The following VPS16 variants were observed in gnomAD, a reference collection of about 807,000 sequenced individuals.
The protein encoded by VPS16 is vacuolar protein sorting-associated protein 16 homolog.
A neutral mutation model predicts 116.0 loss-of-function variants in VPS16; 82 were observed. The ratio of observed to expected loss-of-function variants is 0.71; its 90% CI spans 0.59 to 0.85. The LOEUF is 0.85. VPS16 is among the 40% of genes least tolerant of loss of function. The pLI is 0.00. For synonymous variants in VPS16, 406 were observed against 420.7 expected (o/e 0.96, Z 0.43); for missense variants, 928 against 1,090.6 (o/e 0.85, Z 2.10).
At chr20:2,856,267 C>T (rs1029987895) in intron 1 of VPS16, among the ~76,000 whole-genome samples, 15 of 152,078 alleles carry the variant, frequency 9.9e-5, no homozygotes, top group African/African-American at 3.4e-4. Flanking sequence ...AACATTTATC[C>T]GTTAAGCTCA....
chr20:2,859,665 T>A, intron 1 of VPS16, 54 bp from the exon 2 acceptor site: 2 of 1,584,882 alleles, frequency 1.3e-6, no homozygotes, highest in Non-Finnish European at 8.7e-7. Flanking sequence ...TGGGGTTCAC[T>A]CCATACGGAT....
In VPS16 at chr20:2,842,836, G is replaced by C. The variant is rs998918036; in HGVS notation, c.53+2009G>C. Reference sequence around the variant, plus strand: ...TCTATCTATAGATAGACATATAGATGTATCTATCGATAGATAGATGTATCT... The same window carrying C: ...TCTATCTATAGATAGACATATAGATCTATCTATCGATAGATAGATGTATCT... On this transcript the variant is annotated intron_variant, in intron 1 of 23. Coordinates refer to ENST00000380445, the MANE Select transcript of VPS16 (RefSeq NM_022575.4). Among the ~76,000 whole-genome samples the C allele has an allele frequency of 9.1e-4, 122 of 133,620 alleles. 2 individuals are homozygous for C. Among genetic ancestry groups the C allele is most frequent in the African/African-American group, 1.4e-3 (45 of 32,472 alleles). 87.7% of individuals were successfully genotyped at this position (133,620 alleles called of 152,430 possible).
rs1303337836 is a variant in VPS16 at position 2,864,344 on chromosome 20, C to G, written c.1721-21C>G. On this transcript the variant is annotated intron_variant, in intron 17 of 23. Coordinates refer to ENST00000380445, the MANE Select transcript of VPS16 (RefSeq NM_022575.4). The surrounding 1 kb of genome is among the most constrained non-coding windows in gnomAD (Gnocchi z 5.2). ...AGTGGGAGCCTGGCTGGAATTCCCA[C>G]TCCACCTTACTCTCCTGCAGTGTTC... 58 of 1,614,016 alleles carry G rather than the reference C, an allele frequency of 3.6e-5. No homozygotes were observed. The highest frequency in any genetic ancestry group is 4.7e-5 in the Non-Finnish European group (55 of 1,180,012).
chr20:2,845,313 T>G (rs2089047321), intron 1 of VPS16, among the ~76,000 whole-genome samples: 1 of 151,958 alleles, frequency 6.6e-6, no homozygotes. Context: ...AATAAAATCA[T>G]GAGAAAGGAA....
rs544284504 is a variant in VPS16 at position 2,844,880 on chromosome 20, G to A, written c.53+4053G>A. On this transcript the variant is annotated intron_variant, in intron 1 of 23. Coordinates refer to ENST00000380445, the MANE Select transcript of VPS16 (RefSeq NM_022575.4). ...TAGGCAACAAGAACAGGACATGGATGAAGTTGATGCCCTTCGTGTAGGGGT... is the reference window on the plus strand; with the variant it reads ...TAGGCAACAAGAACAGGACATGGATAAAGTTGATGCCCTTCGTGTAGGGGT... Among the ~76,000 whole-genome samples the A allele has an allele frequency of 1.1e-4, 16 of 152,260 alleles. No individual in the cohort carries two copies. In the South Asian group the frequency reaches 3.3e-3, roughly 32 times the overall value.
chr20:2,856,012 G>T lies in VPS16; in HGVS notation c.54-3707G>T, dbSNP rs200760667. ...CTTTGCATTCACAAGTTGGCTAACT[G>T]GCACACGAGGCCTAGCTTTTGTCCT... On this transcript the variant is annotated intron_variant, in intron 1 of 23. Transcript: ENST00000380445. Among the ~76,000 whole-genome samples the T allele has an allele frequency of 4.5e-3, 688 of 152,350 alleles. 15 individuals carry two copies. The highest frequency in any genetic ancestry group is 0.034 in the East Asian group (179 of 5,190).
rs751246821 is a variant in VPS16 at position 2,866,430 on chromosome 20, C to T, written c.2376C>T (p.Gly792=). 15 of 1,613,996 alleles carry T rather than the reference C, an allele frequency of 9.3e-6. No homozygotes were observed. In the Admixed American group the frequency reaches 1.0e-4, roughly 11 times the overall value. Residue 792 remains glycine (G), a splice_region_variant and synonymous_variant, in exon 24 of 24, where the codon GGC becomes GGT. Transcript: ENST00000380445. ...ACCTCCTCTCTTGCTCAAACCACAG[C>T]GATGTGGCTCAGGCTGCAGATGTGG... The part of the protein sequence containing the change: ...EQKVKALLLV[G]DVAQAADVAI...
At chr20:2,857,815 A>G (rs1348030942) in intron 1 of VPS16, among the ~76,000 whole-genome samples, 1 of 151,810 alleles carries the variant, frequency 6.6e-6, no homozygotes, top group African/African-American at 2.4e-5. Context: ...GGCTCAAGCA[A>G]TTCTCCTGCC....
At position 2,860,373 on chromosome 20, in the gene VPS16, G is replaced by T; in HGVS notation, c.369+6G>T. On this transcript the variant is annotated splice_donor_region_variant and intron_variant, in intron 4 of 23. Coordinates refer to ENST00000380445, the MANE Select transcript of VPS16 (RefSeq NM_022575.4). This position sits in a 1 kb window ranked among gnomAD's most constrained non-coding sequence, Gnocchi z 6.1. ...GACACTTCAGCATGGGCAATGTAGG[G>T]GTCACAGAGGGCTGGGGACGCGGGG... 6.2e-7 allele frequency: 1 copy of T among 1,614,100 alleles called. No individual in the cohort carries two copies. Among genetic ancestry groups the T allele is most frequent in the Non-Finnish European group, 8.5e-7 (1 of 1,179,998 alleles).
intron 1 of VPS16, among the ~76,000 whole-genome samples, chr20:2,842,068 T>C (rs1020298666): frequency 6.6e-6 from 1 of 152,212 alleles, no homozygotes. Context: ...AGCATGTTTC[T>C]TGCTTCTCTT....
At chr20:2,861,484 A>G in intron 8 of VPS16, 131 bp from the exon 9 acceptor site, 1 of 1,335,638 alleles carries the variant, frequency 7.5e-7, no homozygotes, top group South Asian at 1.4e-5. Flanking sequence ...ATAAGAGGGA[A>G]GTGGAGAGGT....
chr20:2,848,942 G>T (rs1165837326), intron 1 of VPS16, among the ~76,000 whole-genome samples: 1 of 152,186 alleles, frequency 6.6e-6, no homozygotes, highest in African/African-American at 2.4e-5. Flanking sequence ...CCATATTGGG[G>T]TCACGTATTG....
At position 2,864,872 on chromosome 20, in the gene VPS16, C is replaced by A; in HGVS notation, c.1927-106C>A. ...TGGTGCACCTAGCAGGCAAGGCTGA[C>A]CCTGGCGACCCTGGGCACAGGGATG... On this transcript the variant is annotated intron_variant, in intron 19 of 23. Transcript: ENST00000380445. The surrounding 1 kb of genome is among the most constrained non-coding windows in gnomAD (Gnocchi z 5.2). 6.7e-7 allele frequency: 1 copy of A among 1,494,188 alleles called. No individual in the cohort carries two copies. Among genetic ancestry groups the A allele is most frequent in the Non-Finnish European group, 9.3e-7 (1 of 1,080,800 alleles). 92.6% of individuals were successfully genotyped at this position (1,494,188 alleles called of 1,614,324 possible).
At chr20:2,859,122 A>G (rs546543333) in intron 1 of VPS16, among the ~76,000 whole-genome samples, 1 of 151,898 alleles carries the variant, frequency 6.6e-6, no homozygotes, top group Admixed American at 6.6e-5. Context: ...ACATGGGGAG[A>G]CTCCATCTCT....
At chr20:2,854,302 T>G (rs2089150891) in intron 1 of VPS16, among the ~76,000 whole-genome samples, 1 of 145,150 alleles carries the variant, frequency 6.9e-6, no homozygotes, top group Non-Finnish European at 1.5e-5. Flanking sequence ...GCGCCAGTAG[T>G]CCCAGCTACT....
chr20:2,864,973 T>C lies in VPS16; in HGVS notation c.1927-5T>C, dbSNP rs2089305585. The C allele has an allele frequency of 6.2e-7, 1 of 1,614,106 alleles. No individual in the cohort carries two copies. Among genetic ancestry groups the C allele is most frequent in the Non-Finnish European group, 8.5e-7 (1 of 1,180,004 alleles). On this transcript the variant is annotated splice_region_variant and splice_polypyrimidine_tract_variant and intron_variant, in intron 19 of 23. Transcript: ENST00000380445. This position sits in a 1 kb window ranked among gnomAD's most constrained non-coding sequence, Gnocchi z 5.2. ...GAGTTCAGGCCTTCCTTCTTGTCTT[T>C]ATAGCGTATTGAGGGGCGAGTAGCA...
At chr20:2,856,658 A>C (rs969588312) in intron 1 of VPS16, among the ~76,000 whole-genome samples, 2 of 152,234 alleles carry the variant, frequency 1.3e-5, no homozygotes, top group Non-Finnish European at 2.9e-5. Context: ...ATATTAACAC[A>C]GAAGTAAAAT....
intron 1 of VPS16, among the ~76,000 whole-genome samples, chr20:2,848,738 C>T (rs1193375610): frequency 6.6e-6 from 1 of 152,154 alleles, no homozygotes; most frequent in Non-Finnish European, 1.5e-5. Flanking sequence ...CAGTGCTTTG[C>T]AGAATGCCAC....
rs12481610 is a variant in VPS16 at position 2,842,707 on chromosome 20, T to G, written c.53+1880T>G. 1.5e-4 allele frequency among the ~76,000 whole-genome samples: 20 copies of G among 136,344 alleles called. 2 individuals are homozygous for G. Among genetic ancestry groups the G allele is most frequent in the African/African-American group, 5.0e-4 (16 of 32,174 alleles). The allele number at this position is 136,344 out of a possible 152,430, so 89.4% of individuals were successfully genotyped here. On this transcript the variant is annotated intron_variant, in intron 1 of 23. Coordinates refer to ENST00000380445, the MANE Select transcript of VPS16 (RefSeq NM_022575.4). ...ATAGATACATCTAGATGTATCTATA[T>G]ATAGATAGACATATGGATGTATCTA... is the stretch of plus-strand genomic sequence containing the variant.
Sources: allele counts gnomAD v4.1 joint callset (sites outside exome capture counted in the v4.1 genomes callset), GRCh38; gene constraint gnomAD v4.1.1; non-coding constraint Gnocchi (gnomAD v3.1); transcripts MANE v1.5; gene names NCBI Gene and HGNC (gene_info 2026-07-23, HGNC 2026-07-21).